The following CCDC93 variants were observed in gnomAD, a reference collection of about 807,000 sequenced individuals.
CCDC93 encodes the protein CCC complex scaffolding subunit CCDC93.
A neutral mutation model predicts 108.2 loss-of-function variants in CCDC93; 61 were observed. The observed-to-expected ratio is 0.56, with a 90% confidence interval of 0.46 to 0.70. The LOEUF is 0.70. Among genes scored for constraint, CCDC93 ranks in the 30% least tolerant of loss-of-function variants. The probability of loss-of-function intolerance (pLI) is 0.00; values close to 1 mark genes in which losing one functional copy is unlikely to be tolerated. For missense variants in CCDC93, 685 were observed against 764.2 expected (o/e 0.90, Z 1.22); for synonymous variants, 276 against 260.4 (o/e 1.06, Z -0.58).
chr2:117,987,450 T>A (rs1048338911), intron 6 of CCDC93, among the ~76,000 whole-genome samples: 1 of 152,176 alleles, frequency 6.6e-6, no homozygotes, highest in African/African-American at 2.4e-5. Flanking sequence ...AGCTAAGTAA[T>A]GCAACCTAAA....
At chr2:117,963,653 G>A (rs1318443533) in intron 11 of CCDC93, among the ~76,000 whole-genome samples, 1 of 152,126 alleles carries the variant, frequency 6.6e-6, no homozygotes, top group Middle Eastern at 3.2e-3. Flanking sequence ...TGAGTAATGC[G>A]GTGTGCCTGC....
intron 21 of CCDC93, 71 bp downstream of exon 21, chr2:117,936,631 A>C: frequency 8.5e-7 from 1 of 1,182,298 alleles, no homozygotes; most frequent in Non-Finnish European, 1.3e-6. Context: ...CATTATAGCA[A>C]TGTGAGGTGG....
chr2:117,947,200 G>A (rs1005461631), intron 15 of CCDC93, among the ~76,000 whole-genome samples: 14 of 152,194 alleles, frequency 9.2e-5, no homozygotes, highest in Admixed American at 6.5e-5. Context: ...CCTCTCTCCA[G>A]CAGGCCTCAA....
In CCDC93 at chr2:117,995,050, A is replaced by G. The variant is rs897421473; in HGVS notation, c.519+396T>C. Among the ~76,000 whole-genome samples, 8 of 152,340 alleles carry G rather than the reference A, an allele frequency of 5.3e-5. No homozygotes were observed. In the East Asian group the frequency reaches 9.6e-4, roughly 18 times the overall value. ...AACGCCATCCCAGAGCTTCCCGCAC[A>G]CAGCTCAGAGGCTACTCTGTCTATG... On this transcript the variant is annotated intron_variant, in intron 6 of 23. Transcript: ENST00000376300.
intron 23 of CCDC93, among the ~76,000 whole-genome samples, chr2:117,922,638 TTG>T (rs1366766281): frequency 6.6e-6 from 1 of 152,112 alleles, no homozygotes; most frequent in African/African-American, 2.4e-5. Context: ...GACAACAATG[TTG>T]TGTTTTCCAT....
chr2:117,950,611 G>C (rs1679020850), intron 13 of CCDC93: 8 of 985,380 alleles, frequency 8.1e-6, no homozygotes, highest in Non-Finnish European at 7.2e-6. Flanking sequence ...GTCAAATCTG[G>C]GAAGCCTGGA....
At chr2:117,925,353 C>G (rs997870761) in intron 23 of CCDC93, among the ~76,000 whole-genome samples, 1 of 152,138 alleles carries the variant, frequency 6.6e-6, no homozygotes, top group African/African-American at 2.4e-5. Context: ...CAAGACCCAT[C>G]AGTGTGCTGT....
At chr2:117,990,851 C>T (rs1680457020) in intron 6 of CCDC93, among the ~76,000 whole-genome samples, 1 of 151,892 alleles carries the variant, frequency 6.6e-6, no homozygotes, top group Non-Finnish European at 1.5e-5. Context: ...ATTCTCCATA[C>T]TGATATTCAC....
At chr2:117,963,681 T>C (rs1336128511) in intron 11 of CCDC93, among the ~76,000 whole-genome samples, 1 of 152,214 alleles carries the variant, frequency 6.6e-6, no homozygotes, top group Non-Finnish European at 1.5e-5. Context: ...GCACTTAACA[T>C]TTAGGAGGTG....
In CCDC93 at chr2:117,948,260, C is replaced by G. The variant is rs535635858; in HGVS notation, c.1143-74G>C. 7 of 1,073,570 alleles carry G rather than the reference C, an allele frequency of 6.5e-6. No individual in the cohort carries two copies. In the Middle Eastern group the frequency reaches 6.1e-4, roughly 93 times the overall value. The allele number at this position is 1,073,570 out of a possible 1,614,324, so 66.5% of individuals were successfully genotyped here. A position where few individuals can be genotyped will look rare whatever the true frequency, so the allele number is the denominator to read the frequency against. ...TATGAATCGCAGCTAAAAGCAGGTC[C>G]GCAGCTAAAAAAGGACTCTCCTTTT... On this transcript the variant is annotated intron_variant, in intron 14 of 23. Transcript: ENST00000376300.
At chr2:117,942,883 T>C (rs894008167) in intron 18 of CCDC93, among the ~76,000 whole-genome samples, 2 of 152,244 alleles carry the variant, frequency 1.3e-5, no homozygotes, top group Admixed American at 1.3e-4. Context: ...AACACTCCTA[T>C]TTATTATACT....
At chr2:117,976,095 G>C (rs1315927907) in intron 8 of CCDC93, among the ~76,000 whole-genome samples, 5 of 152,092 alleles carry the variant, frequency 3.3e-5, no homozygotes, top group Non-Finnish European at 5.9e-5. Context: ...GCCCTTCTTG[G>C]ACCATCCCAA....
chr2:117,993,593 G>A (rs1680554148), intron 6 of CCDC93, among the ~76,000 whole-genome samples: 1 of 152,150 alleles, frequency 6.6e-6, no homozygotes, highest in Non-Finnish European at 1.5e-5. Flanking sequence ...TGCCTCAGAG[G>A]TAACATGATT....
chr2:117,942,696 A>G (rs983740753), intron 18 of CCDC93, among the ~76,000 whole-genome samples: 2 of 152,174 alleles, frequency 1.3e-5, no homozygotes, highest in Non-Finnish European at 2.9e-5. Flanking sequence ...TGTGCTCACC[A>G]GGGTGTAGTC....
intron 23 of CCDC93, among the ~76,000 whole-genome samples, chr2:117,923,158 AACAGCTCCAGTCT>A (rs1677939137): frequency 1.3e-5 from 2 of 152,206 alleles, no homozygotes; most frequent in Non-Finnish European, 2.9e-5. Context: ...GCCGAATAGG[AACAGCTCCAGTCT>A]ACAGCTCCCA....
At chr2:117,924,444 G>A (rs1238465061) in intron 23 of CCDC93, among the ~76,000 whole-genome samples, 5 of 152,206 alleles carry the variant, frequency 3.3e-5, no homozygotes, top group African/African-American at 1.2e-4. Context: ...AGGACGTGAT[G>A]GAGCTGAAAA....
intron 1 of CCDC93, among the ~76,000 whole-genome samples, chr2:118,011,666 C>CA (rs1469789216): frequency 5.8e-4 from 87 of 148,876 alleles, no homozygotes; most frequent in Admixed American, 1.4e-3. Context: ...GAGAAGAAGA[C>CA]AAAAAAAACC....
At chr2:117,987,944 A>G (rs763275596) in intron 6 of CCDC93, among the ~76,000 whole-genome samples, 4 of 152,026 alleles carry the variant, frequency 2.6e-5, no homozygotes, top group Admixed American at 6.6e-5. Flanking sequence ...TTATCTTTCT[A>G]TAGACGAACT....
chr2:118,004,147 G>A (rs879443434), intron 3 of CCDC93, among the ~76,000 whole-genome samples: 1 of 152,144 alleles, frequency 6.6e-6, no homozygotes, highest in African/African-American at 2.4e-5. Context: ...AAGTAACTTG[G>A]TCCAGGTCCA....
Sources: allele counts gnomAD v4.1 joint callset (sites outside exome capture counted in the v4.1 genomes callset), GRCh38; gene constraint gnomAD v4.1.1; transcripts MANE v1.5; gene names NCBI Gene and HGNC (gene_info 2026-07-23, HGNC 2026-07-21).